Variants in QTRT2 observed in about 807,000 individuals in gnomAD.
QTRT2 encodes the protein queuine tRNA-ribosyltransferase domain containing 1.
In QTRT2, 32 loss-of-function variants were observed where a neutral mutation model predicts 44.8. The ratio of observed to expected loss-of-function variants is 0.71; its 90% CI spans 0.54 to 0.96. QTRT2 has a LOEUF of 0.96. QTRT2 is among the 40% of genes least tolerant of loss of function. QTRT2 has a pLI of 0.00. For missense variants in QTRT2, 461 were observed against 503.1 expected, an observed-to-expected ratio of 0.92 and a Z score of 0.80; for synonymous variants, 182 against 187.4, an observed-to-expected ratio of 0.97 and a Z score of 0.24.
At chr3:114,082,160 G>A (rs953914739) in intron 8 of QTRT2, among the ~76,000 whole-genome samples, 12 of 149,496 alleles carry the variant, frequency 8.0e-5, no homozygotes, top group African/African-American at 3.0e-4. Flanking sequence ...TCAAAGCCAA[G>A]TATATTTGCA....
At position 114,058,914 on chromosome 3, in the gene QTRT2, A is replaced by G. The variant is rs117638926; in HGVS notation, c.-22+1808A>G. On this transcript the variant is annotated intron_variant, in intron 2 of 9. Coordinates refer to ENST00000281273, the MANE Select transcript of QTRT2 (RefSeq NM_024638.4). The stretch of plus-strand genomic sequence containing the variant: ...AAGTCCTTCAGTCATTTTTCTATGC[A>G]TATACTATGATTATAGAAAGTGTAC... Among the ~76,000 whole-genome samples the G allele has an allele frequency of 3.3e-4, 50 of 152,350 alleles. No individual in the cohort carries two copies. The East Asian group carries it at 9.3e-3, about 28-fold the overall frequency.
chr3:114,057,252 A>C (rs578146519), intron 2 of QTRT2, 146 bp downstream of exon 2: 85 of 210,888 alleles, frequency 4.0e-4, no homozygotes, highest in African/African-American at 1.9e-3. Flanking sequence ...GGCTTAGCCG[A>C]GGTGTTTCCA....
rs561688362 is a variant in QTRT2 at position 114,072,849 on chromosome 3, A to G, written c.546+2011A>G. 6.6e-4 allele frequency among the ~76,000 whole-genome samples: 101 copies of G among 152,300 alleles called. 1 individual carries two copies. Among genetic ancestry groups the G allele is most frequent in the Non-Finnish European group, 7.1e-4 (48 of 68,030 alleles). ...GAAGCTGTAGTGGTAAATCAGGGAT[A>G]CTGATAGCAGAGTTAATTAAGTGGG... is the stretch of plus-strand genomic sequence containing the variant. On this transcript the variant is annotated intron_variant, in intron 6 of 9. Transcript: ENST00000281273.
At position 114,057,029 on chromosome 3, in the gene QTRT2, C is replaced by A. The variant is rs986177912; in HGVS notation, c.-99C>A. The stretch of plus-strand genomic sequence containing the variant: ...CCTGGTGGATTGGTTTCTGTAAGTT[C>A]AGATTCTCATAAATCGTGTGAGCGT... On this transcript the variant is annotated 5_prime_UTR_variant, in exon 2 of 10. Transcript: ENST00000281273. 3.6e-6 allele frequency: 5 copies of A among 1,408,448 alleles called. No individual in the cohort carries two copies. In the African/African-American group the frequency reaches 7.3e-5, roughly 21 times the overall value. 87.2% of individuals were successfully genotyped at this position (1,408,448 alleles called of 1,614,324 possible). A position where few individuals can be genotyped will look rare whatever the true frequency, so the allele number is the denominator to read the frequency against.
At chr3:114,065,642 C>T (rs1316966467) in intron 3 of QTRT2, among the ~76,000 whole-genome samples, 185 bp downstream of exon 3, 2 of 152,170 alleles carry the variant, frequency 1.3e-5, no homozygotes, top group Non-Finnish European at 2.9e-5. Flanking sequence ...CAGGCCAGAC[C>T]TATATGTTAG....
chr3:114,057,650 A>T (rs1392141680), intron 2 of QTRT2: 2 of 152,180 alleles, frequency 1.3e-5, no homozygotes, highest in African/African-American at 4.8e-5. Context: ...GTTTTTTTCA[A>T]AAGGGTAAGT....
At chr3:114,070,182 C>T (rs9834217) in intron 5 of QTRT2, among the ~76,000 whole-genome samples, 11,340 of 152,122 alleles carry the variant, frequency 0.075, 469 homozygotes, top group Middle Eastern at 0.12. Flanking sequence ...GTGATGGATA[C>T]TTAAATACTC....
Position 114,056,739 on chromosome 3 carries a change from TA to T in QTRT2, c.-254del. On this transcript the variant is annotated 5_prime_UTR_variant, in exon 1 of 10. Transcript: ENST00000281273. Reference sequence around the variant, plus strand: ...TTTCTGGCGCCCAGTGATGACGCAGTACTCCCTGATTGGCTCTGCACTGGAG... The same window carrying T: ...TTTCTGGCGCCCAGTGATGACGCAGTCTCCCTGATTGGCTCTGCACTGGAG... 7.2e-7 allele frequency: 1 copy of T among 1,394,912 alleles called. No individual in the cohort carries two copies. Among genetic ancestry groups the T allele is most frequent in the Non-Finnish European group, 9.7e-7 (1 of 1,035,360 alleles). 86.4% of individuals were successfully genotyped at this position (1,394,912 alleles called of 1,614,324 possible).
intron 4 of QTRT2, among the ~76,000 whole-genome samples, chr3:114,067,343 G>A (rs2076967495): frequency 6.6e-6 from 1 of 151,970 alleles, no homozygotes; most frequent in Non-Finnish European, 1.5e-5. Flanking sequence ...TTTTTTCACT[G>A]GAATCCTGTT....
intron 2 of QTRT2, 105 bp downstream of exon 2, chr3:114,057,211 C>CT: frequency 2.8e-6 from 1 of 362,900 alleles, no homozygotes; most frequent in Non-Finnish European, 4.4e-6. Context: ...ATGGAGATGG[C>CT]CCATGGAGCA....
In QTRT2 at chr3:114,080,046, C is replaced by G. The variant is rs2077147759; in HGVS notation, c.887C>G (p.Pro296Arg). The G allele has an allele frequency of 6.2e-7, 1 of 1,605,952 alleles. No homozygotes were observed. The highest frequency in any genetic ancestry group is 1.3e-5 in the African/African-American group (1 of 74,452). Residue 296 changes from proline (P) to arginine (R), a missense_variant, in exon 8 of 10, where the codon CCT becomes CGT. By Grantham distance (103) the Pro-to-Arg change is moderately radical. Coordinates refer to ENST00000281273, the MANE Select transcript of QTRT2 (RefSeq NM_024638.4). ...TTCAGTTTTGATTACCAGCCGAATC[C>G]TGAAGAGACACGTAAGTCTTTTGAA... ...LTFSFDYQPN[P>R]EETLLQQNGT...
intron 2 of QTRT2, among the ~76,000 whole-genome samples, chr3:114,062,218 A>G (rs911932519): frequency 1.3e-5 from 2 of 152,050 alleles, no homozygotes; most frequent in Admixed American, 1.3e-4. Context: ...AAGTTTTTTA[A>G]TTAGTTAGGT....
chr3:114,070,953 A>G (rs2077017755), intron 6 of QTRT2, 115 bp downstream of exon 6: 1 of 723,546 alleles, frequency 1.4e-6, no homozygotes, highest in Non-Finnish European at 2.3e-6. Flanking sequence ...TTCTTTGTCT[A>G]TTTTACTCTC....
Position 114,056,772 on chromosome 3 carries a change from A to G in QTRT2, c.-222A>G. On this transcript the variant is annotated 5_prime_UTR_variant, in exon 1 of 10. Coordinates refer to ENST00000281273, the MANE Select transcript of QTRT2 (RefSeq NM_024638.4). ...GATTGGCTCTGCACTGGAGGCAGTG[A>G]TTTTGGGGCAGAGAATTTTGCAACA... The G allele has an allele frequency of 6.7e-7, 1 of 1,501,872 alleles. No individual in the cohort carries two copies. 93.0% of individuals were successfully genotyped at this position (1,501,872 alleles called of 1,614,324 possible). A position where few individuals can be genotyped will look rare whatever the true frequency, so the allele number is the denominator to read the frequency against.
intron 5 of QTRT2, among the ~76,000 whole-genome samples, chr3:114,068,629 G>A (rs908671543): frequency 6.6e-6 from 1 of 152,106 alleles, no homozygotes; most frequent in Non-Finnish European, 1.5e-5. Context: ...CTTTACAAAC[G>A]CAAATACTTT....
chr3:114,075,766 C>T (rs1444121861), intron 6 of QTRT2, among the ~76,000 whole-genome samples: 1 of 152,058 alleles, frequency 6.6e-6, no homozygotes, highest in Non-Finnish European at 1.5e-5. Context: ...GCCTCGGCCT[C>T]CTGCTGGGAT....
chr3:114,063,363 A>G (rs1577512229), intron 2 of QTRT2, among the ~76,000 whole-genome samples: 1 of 152,362 alleles, frequency 6.6e-6, no homozygotes, highest in South Asian at 2.1e-4. Flanking sequence ...AATAAAGATT[A>G]CAATTCTTTT....
chr3:114,070,345 C>G (rs2077008125), intron 5 of QTRT2, among the ~76,000 whole-genome samples: 1 of 151,704 alleles, frequency 6.6e-6, no homozygotes, highest in South Asian at 2.1e-4. Flanking sequence ...TATTCAGGAA[C>G]AGCAAGGGTT....
chr3:114,083,034 A>G, intron 9 of QTRT2: 2 of 473,866 alleles, frequency 4.2e-6, no homozygotes, highest in Non-Finnish European at 7.8e-6. Context: ...GCTGACAGAA[A>G]GATTAAACCA....
Sources: gnomAD v4.1 joint callset for allele counts (sites outside exome capture counted in the v4.1 genomes callset) on GRCh38, gnomAD v4.1.1 for gene constraint, MANE v1.5 for transcripts, NCBI Gene and HGNC (gene_info 2026-07-23, HGNC 2026-07-21) for gene names.